DCLK1: variants seen among roughly 807,000 people sequenced by gnomAD.
DCLK1 encodes the protein doublecortin like kinase 1.
A neutral mutation model predicts 86.2 loss-of-function variants in DCLK1; 16 were observed. The ratio of observed to expected loss-of-function variants is 0.19; its 90% CI spans 0.13 to 0.28. The LOEUF is 0.28. Ranked by LOEUF, DCLK1 falls within the 10% of genes least tolerant of loss-of-function variation. The pLI, the probability that DCLK1 is intolerant of heterozygous loss-of-function variation, is 1.00. For missense variants in DCLK1, 590 were observed against 940.2 expected (o/e 0.63, Z 4.87); for synonymous variants, 369 against 370.5 (o/e 1.00, Z 0.05).
At chr13:35,849,963 C>T (rs919607062) in intron 6 of DCLK1, 1 of 963,238 alleles carries the variant, frequency 1.0e-6, no homozygotes, top group African/African-American at 1.8e-5. Flanking sequence ...ATGCCATTGG[C>T]CAAGTTCTTC....
In DCLK1 at chr13:35,997,648, C is replaced by A. The variant is rs574769407; in HGVS notation, c.724-50191G>T. Among the ~76,000 whole-genome samples the A allele has an allele frequency of 5.0e-4, 76 of 152,300 alleles. 2 individuals carry two copies. In the South Asian group the frequency reaches 0.014, roughly 27 times the overall value. ...AACATTCTTTCTCATACAGAACATT[C>A]CAACTATGGTTGTAAGTCATGAAAC... On this transcript the variant is annotated intron_variant, in intron 3 of 16. Transcript: ENST00000360631.
chr13:35,953,582 G>A (rs985396069), intron 3 of DCLK1, among the ~76,000 whole-genome samples: 1 of 152,104 alleles, frequency 6.6e-6, no homozygotes, highest in Non-Finnish European at 1.5e-5. Flanking sequence ...CGTCCCAAGA[G>A]ACTAAGCTGC....
intron 3 of DCLK1, among the ~76,000 whole-genome samples, chr13:35,984,580 C>T (rs559940375): frequency 2.6e-5 from 4 of 152,310 alleles, no homozygotes; most frequent in Non-Finnish European, 4.4e-5. Flanking sequence ...TGCCTCTGCT[C>T]GCTAAAGTCT....
At chr13:35,958,058 A>AACCACC (rs1293352640) in intron 3 of DCLK1, among the ~76,000 whole-genome samples, 2 of 68,328 alleles carry the variant, frequency 2.9e-5, no homozygotes, top group African/African-American at 1.2e-4. Context: ...TCACCACTAT[A>AACCACC]ACCACTAGCA....
At chr13:35,986,750 A>G (rs888897678) in intron 3 of DCLK1, among the ~76,000 whole-genome samples, 2 of 152,150 alleles carry the variant, frequency 1.3e-5, no homozygotes, top group Admixed American at 6.5e-5. Flanking sequence ...TGGGACCCTC[A>G]TGGTCTTCTC....
At chr13:35,776,317 C>T (rs2086423918) in intron 16 of DCLK1, among the ~76,000 whole-genome samples, 1 of 152,102 alleles carries the variant, frequency 6.6e-6, no homozygotes, top group South Asian at 2.1e-4. Context: ...GTAAAAAAAA[C>T]AGACGTCTAT....
intron 16 of DCLK1, among the ~76,000 whole-genome samples, chr13:35,784,753 C>T (rs543081162): frequency 1.6e-4 from 24 of 152,204 alleles, no homozygotes; most frequent in African/African-American, 5.1e-4. Flanking sequence ...CCGGGGACAG[C>T]GTTCTCACTC....
chr13:35,908,047 G>A (rs1874784975), intron 4 of DCLK1, among the ~76,000 whole-genome samples: 1 of 151,976 alleles, frequency 6.6e-6, no homozygotes, highest in South Asian at 2.1e-4. Flanking sequence ...TTAAAAATGA[G>A]CTTTAGAGTT....
At chr13:35,857,340 CACAA>C (rs979197466) in intron 5 of DCLK1, among the ~76,000 whole-genome samples, 7 of 152,142 alleles carry the variant, frequency 4.6e-5, no homozygotes, top group Non-Finnish European at 1.0e-4. Flanking sequence ...GATATATGAA[CACAA>C]ACATACAGCT....
At chr13:36,088,477 G>A (rs1884697070) in intron 3 of DCLK1, among the ~76,000 whole-genome samples, 1 of 152,224 alleles carries the variant, frequency 6.6e-6, no homozygotes, top group African/African-American at 2.4e-5. Context: ...AAGCTTAAAT[G>A]TTAGGATTTG....
intron 3 of DCLK1, among the ~76,000 whole-genome samples, chr13:36,002,156 A>C (rs1228626378): frequency 1.3e-5 from 2 of 152,218 alleles, no homozygotes; most frequent in African/African-American, 4.8e-5. Flanking sequence ...ATTGAAGCCT[A>C]TATAAGCACA....
At chr13:35,795,312 T>C (rs1331151365) in intron 15 of DCLK1, among the ~76,000 whole-genome samples, 1 of 152,162 alleles carries the variant, frequency 6.6e-6, no homozygotes, top group African/African-American at 2.4e-5. Context: ...GTTAAGAGTT[T>C]ATGTGCCATG....
chr13:35,945,706 C>T (rs891882341), intron 4 of DCLK1, among the ~76,000 whole-genome samples: 12 of 152,038 alleles, frequency 7.9e-5, no homozygotes, highest in Non-Finnish European at 4.4e-5. Flanking sequence ...TGACTTTCAC[C>T]TGTTCTACAC....
intron 3 of DCLK1, among the ~76,000 whole-genome samples, chr13:35,969,577 T>C (rs1026707187): frequency 1.3e-5 from 2 of 152,114 alleles, no homozygotes; most frequent in Non-Finnish European, 2.9e-5. Context: ...TTAAGCCAAG[T>C]TTGTGATACT....
intron 11 of DCLK1, among the ~76,000 whole-genome samples, chr13:35,814,836 T>C (rs2087233089): frequency 6.6e-6 from 1 of 152,210 alleles, no homozygotes; most frequent in African/African-American, 2.4e-5. Context: ...CAGCTACACA[T>C]AATTGTGGGC....
intron 4 of DCLK1, among the ~76,000 whole-genome samples, chr13:35,909,202 C>T (rs577768360): frequency 7.9e-5 from 12 of 152,342 alleles, no homozygotes; most frequent in African/African-American, 2.9e-4. Flanking sequence ...GGTGGGGCCA[C>T]ATGGCTGCTG....
At chr13:35,909,484 T>A (rs928057097) in intron 4 of DCLK1, among the ~76,000 whole-genome samples, 13 of 152,066 alleles carry the variant, frequency 8.5e-5, no homozygotes, top group Non-Finnish European at 1.6e-4. Flanking sequence ...CTAGGTGGGA[T>A]GATACTCACC....
chr13:35,905,783 T>TA (rs1874657401), intron 4 of DCLK1, among the ~76,000 whole-genome samples: 2 of 151,622 alleles, frequency 1.3e-5, no homozygotes, highest in Non-Finnish European at 2.9e-5. Context: ...CTGCCTCTAC[T>TA]AAAAATCCAA....
rs191655172 is a variant in DCLK1, at chr13:35,836,605, C to T, written c.1121-464G>A. On this transcript the variant is annotated intron_variant, in intron 7 of 16. Coordinates refer to ENST00000360631, the MANE Select transcript of DCLK1 (RefSeq NM_001330071.2). ...GCTGTTTGGACACTTAGTTTTACTA[C>T]ATCCTGAAATGGAAATCTCCGTAAA... is the stretch of plus-strand genomic sequence containing the variant. Among the ~76,000 whole-genome samples the T allele has an allele frequency of 1.4e-3, 219 of 152,296 alleles. 1 individual carries two copies. Among genetic ancestry groups the T allele is most frequent in the African/African-American group, 5.0e-3 (206 of 41,560 alleles).
Sources: allele counts gnomAD v4.1 joint callset (sites outside exome capture counted in the v4.1 genomes callset), GRCh38; gene constraint gnomAD v4.1.1; transcripts MANE v1.5; gene names NCBI Gene and HGNC (gene_info 2026-07-23, HGNC 2026-07-21).